The following MAP2K5 variants were observed in gnomAD, a reference collection of about 807,000 sequenced individuals.
MAP2K5 encodes the protein mitogen-activated protein kinase kinase 5, also known as dual specificity mitogen-activated protein kinase kinase 5.
Under a neutral mutation model 83.1 loss-of-function variants are expected in MAP2K5, and 49 were observed. That is an observed-to-expected ratio of 0.59 (90% confidence interval 0.47 to 0.75). The LOEUF is 0.75. Among genes scored for constraint, MAP2K5 ranks in the 30% least tolerant of loss-of-function variants. The pLI, the probability that MAP2K5 is intolerant of heterozygous loss-of-function variation, is 0.00. For synonymous variants in MAP2K5, 202 were observed against 191.8 expected (o/e 1.05, Z -0.44); for missense variants, 457 against 557.5 (o/e 0.82, Z 1.82).
rs1341381315 is a variant in MAP2K5 at position 67,630,889 on chromosome 15, G to C, written c.547G>C (p.Ala183Pro). The change falls in exon 9 of 22, where the codon GCA becomes CCA. Residue 183 changes from alanine (A) to proline (P), a missense_variant and splice_region_variant. Physicochemically the swap from Ala to Pro is conservative, Grantham distance 27. Transcript: ENST00000178640. ...TTTTGTTTTTTTTTCTTCCCATAGA[G>C]CATATCATGTCCCGAGTGGGAAAAT... ...GHGNGGTVYKAYHVPSGKILA... is the reference protein window; with the variant it reads ...GHGNGGTVYKPYHVPSGKILA... 6.2e-7 allele frequency: 1 copy of C among 1,607,806 alleles called. No individual in the cohort carries two copies. The highest frequency in any genetic ancestry group is 2.2e-5 in the East Asian group (1 of 44,798).
In MAP2K5 at chr15:67,572,888, G is replaced by A. The variant is rs1323253756; in HGVS notation, c.253-7866G>A. 1.3e-5 allele frequency among the ~76,000 whole-genome samples: 2 copies of A among 151,950 alleles called. No individual in the cohort carries two copies. Among genetic ancestry groups the A allele is most frequent in the African/African-American group, 4.8e-5 (2 of 41,350 alleles). On this transcript the variant is annotated intron_variant, in intron 3 of 21. Coordinates refer to ENST00000178640, the MANE Select transcript of MAP2K5 (RefSeq NM_145160.3). The surrounding 1 kb of genome is among the most constrained non-coding windows in gnomAD (Gnocchi z 4.2). ...TAAGTTTTGTATTTTTAGTAGAGACGGGTTTTCACGTATTGGCCAGGCTGG... is the reference window on the plus strand; with the variant it reads ...TAAGTTTTGTATTTTTAGTAGAGACAGGTTTTCACGTATTGGCCAGGCTGG...
At chr15:67,799,216 G>A (rs1405618271) in intron 21 of MAP2K5, among the ~76,000 whole-genome samples, 1 of 152,346 alleles carries the variant, frequency 6.6e-6, no homozygotes, top group South Asian at 2.1e-4. Context: ...AAGAAAGCAT[G>A]TTCTCAGAAC....
At chr15:67,753,893 A>G (rs1213741365) in intron 19 of MAP2K5, among the ~76,000 whole-genome samples, 1 of 152,234 alleles carries the variant, frequency 6.6e-6, no homozygotes, top group African/African-American at 2.4e-5. Flanking sequence ...TCCGCATAAA[A>G]ACTTATACAT....
In MAP2K5 at chr15:67,786,639, A is replaced by C. The variant is rs112912627; in HGVS notation, c.1242+13887A>C. 1.2e-4 allele frequency among the ~76,000 whole-genome samples: 19 copies of C among 152,212 alleles called. No homozygotes were observed. Among genetic ancestry groups the C allele is most frequent in the Non-Finnish European group, 5.9e-5 (4 of 68,034 alleles). Reference sequence around the variant, plus strand: ...GGATGCCTGGCTCGGGCCTGAGTACAGAACTTGGAAAGTGGTGGTACAACA... The same window carrying C: ...GGATGCCTGGCTCGGGCCTGAGTACCGAACTTGGAAAGTGGTGGTACAACA... On this transcript the variant is annotated intron_variant, in intron 21 of 21. Transcript: ENST00000178640. The surrounding 1 kb of genome is among the most constrained non-coding windows in gnomAD (Gnocchi z 4.7).
rs1176928921 is a variant in MAP2K5 at position 67,722,545 on chromosome 15, G to A, written c.1045-5371G>A. Among the ~76,000 whole-genome samples, 1 of 151,924 alleles carries A rather than the reference G, an allele frequency of 6.6e-6. No individual in the cohort carries two copies. The highest frequency in any genetic ancestry group is 1.5e-5 in the Non-Finnish European group (1 of 67,984). The stretch of plus-strand genomic sequence containing the variant: ...AAGAGAACAGTGAAATTGATACATG[G>A]GGAAAAAAGTAAAATCTTAGAGTAG... On this transcript the variant is annotated intron_variant, in intron 16 of 21. Coordinates refer to ENST00000178640, the MANE Select transcript of MAP2K5 (RefSeq NM_145160.3). This position sits in a 1 kb window ranked among gnomAD's most constrained non-coding sequence, Gnocchi z 4.2.
rs1369462923 is a variant in MAP2K5, at chr15:67,760,719, T to C, written c.1135-8883T>C. Among the ~76,000 whole-genome samples the C allele has an allele frequency of 6.6e-6, 1 of 152,202 alleles. No homozygotes were observed. Among genetic ancestry groups the C allele is most frequent in the Middle Eastern group, 3.2e-3 (1 of 316 alleles). ...TTAATTTCTTGGTGGTGGAGGCCTG[T>C]GAATAGCGGTCTGTGAATGGGCAGT... On this transcript the variant is annotated intron_variant, in intron 19 of 21. Transcript: ENST00000178640. This position sits in a 1 kb window ranked among gnomAD's most constrained non-coding sequence, Gnocchi z 4.1.
chr15:67,547,608 A>G (rs1019600028), intron 1 of MAP2K5, among the ~76,000 whole-genome samples: 19 of 151,720 alleles, frequency 1.3e-4, no homozygotes, highest in African/African-American at 4.6e-4. Flanking sequence ...GATACACACC[A>G]CACATCCAGC....
intron 9 of MAP2K5, among the ~76,000 whole-genome samples, chr15:67,645,681 G>A (rs887986666): frequency 7.3e-5 from 11 of 151,466 alleles, no homozygotes; most frequent in Non-Finnish European, 1.3e-4. Flanking sequence ...AGCCTCCCAA[G>A]TAGATTGGGA....
At position 67,552,685 on chromosome 15, in the gene MAP2K5, T is replaced by C. The variant is rs548846261; in HGVS notation, c.184+2603T>C. On this transcript the variant is annotated intron_variant, in intron 2 of 21. Transcript: ENST00000178640. The surrounding 1 kb of genome is among the most constrained non-coding windows in gnomAD (Gnocchi z 4.2). ...CTCCTGGCCTCAAGTGATAGTCCCA[T>C]CTTGGCCTTTCAAAGTGCTGGGATT... 6.6e-6 allele frequency among the ~76,000 whole-genome samples: 1 copy of C among 152,240 alleles called. No individual in the cohort carries two copies. The highest frequency in any genetic ancestry group is 6.5e-5 in the Admixed American group (1 of 15,292).
intron 17 of MAP2K5, among the ~76,000 whole-genome samples, chr15:67,745,514 T>C (rs980772097): frequency 6.6e-6 from 1 of 152,252 alleles, no homozygotes; most frequent in Non-Finnish European, 1.5e-5. Context: ...TACAGTAATG[T>C]GATCTTGAAA....
At position 67,785,896 on chromosome 15, in the gene MAP2K5, C is replaced by T. The variant is rs2090407603; in HGVS notation, c.1242+13144C>T. ...CAGAAAATATAGCTTCAAGTACAGG[C>T]ACTACCTCTAGGAAACTGGGCAGGC... On this transcript the variant is annotated intron_variant, in intron 21 of 21. Coordinates refer to ENST00000178640, the MANE Select transcript of MAP2K5 (RefSeq NM_145160.3). The surrounding 1 kb of genome is among the most constrained non-coding windows in gnomAD (Gnocchi z 4.4). 6.6e-6 allele frequency among the ~76,000 whole-genome samples: 1 copy of T among 152,160 alleles called. No homozygotes were observed. Among genetic ancestry groups the T allele is most frequent in the Admixed American group, 6.5e-5 (1 of 15,280 alleles).
chr15:67,574,213 C>T (rs554693531), intron 3 of MAP2K5, among the ~76,000 whole-genome samples: 12 of 152,200 alleles, frequency 7.9e-5, no homozygotes, highest in African/African-American at 2.9e-4. Flanking sequence ...TTGTGAAAGA[C>T]AATGGTGGTC....
intron 1 of MAP2K5, among the ~76,000 whole-genome samples, chr15:67,547,573 A>G (rs903406522): frequency 4.9e-5 from 7 of 144,298 alleles, no homozygotes; most frequent in Non-Finnish European, 8.9e-5. Flanking sequence ...CTCCTGCTTT[A>G]GCCTCCTGAG....
chr15:67,684,479 A>C (rs1017800063), intron 13 of MAP2K5, among the ~76,000 whole-genome samples: 1 of 152,232 alleles, frequency 6.6e-6, no homozygotes, highest in Admixed American at 6.5e-5. Flanking sequence ...GCCAGTATCA[A>C]GTCCAACACT....
chr15:67,598,060 C>G (rs936071344), intron 7 of MAP2K5, among the ~76,000 whole-genome samples: 3 of 152,018 alleles, frequency 2.0e-5, no homozygotes, highest in African/African-American at 7.2e-5. Flanking sequence ...CAAAAATTAG[C>G]CGGGCATGGT....
chr15:67,673,535 T>G (rs1423856456), intron 13 of MAP2K5, among the ~76,000 whole-genome samples: 2 of 152,132 alleles, frequency 1.3e-5, no homozygotes, highest in African/African-American at 4.8e-5. Flanking sequence ...AAAGAAATTT[T>G]GATGTCAAGG....
chr15:67,784,830 T>C (rs16951275), intron 21 of MAP2K5, among the ~76,000 whole-genome samples: 46,449 of 152,120 alleles, frequency 0.31, 8,176 homozygotes, highest in East Asian at 0.6. Context: ...GAGATGATGT[T>C]CCTCAAGTTT....
chr15:67,614,577 C>T (rs1174448477), intron 8 of MAP2K5, among the ~76,000 whole-genome samples: 2 of 152,166 alleles, frequency 1.3e-5, no homozygotes, highest in African/African-American at 4.8e-5. Flanking sequence ...TTGCCCACTA[C>T]ATTATTTCAG....
chr15:67,729,208 A>G (rs1450403102), intron 17 of MAP2K5, among the ~76,000 whole-genome samples: 6 of 152,224 alleles, frequency 3.9e-5, no homozygotes, highest in Non-Finnish European at 7.3e-5. Context: ...TTCAGGATTT[A>G]TAGCTCATTA....
Sources: gnomAD v4.1 joint callset for allele counts (sites outside exome capture counted in the v4.1 genomes callset) on GRCh38, gnomAD v4.1.1 for gene constraint, Gnocchi (gnomAD v3.1) non-coding constraint, MANE v1.5 for transcripts, NCBI Gene and HGNC (gene_info 2026-07-23, HGNC 2026-07-21) for gene names.